SP3: variants seen among roughly 807,000 people sequenced by gnomAD.
The protein encoded by SP3 is Sp3 transcription factor, also known as transcription factor Sp3.
SP3 carries 10 observed loss-of-function variants against 70.3 expected under a neutral mutation model. The ratio of observed to expected loss-of-function variants is 0.14; its 90% CI spans 0.09 to 0.24. SP3 has a LOEUF of 0.24. Ranked by LOEUF, SP3 falls within the 10% of genes least tolerant of loss-of-function variation. The pLI, the probability that SP3 is intolerant of heterozygous loss-of-function variation, is 1.00. For synonymous variants in SP3, 402 were observed against 333.5 expected (o/e 1.21, Z -2.24); for missense variants, 825 against 914.6 (o/e 0.90, Z 1.26).
intron 3 of SP3, among the ~76,000 whole-genome samples, chr2:173,960,572 T>G (rs1353039772): frequency 6.6e-6 from 1 of 152,254 alleles, no homozygotes; most frequent in South Asian, 2.1e-4. Context: ...ATAACTTTTT[T>G]GAAGTAAGCT....
intron 4 of SP3, among the ~76,000 whole-genome samples, chr2:173,932,195 TTTTTTC>T (rs541167062): frequency 6.6e-6 from 1 of 152,156 alleles, no homozygotes; most frequent in Non-Finnish European, 1.5e-5. Context: ...ATTTGCCTAG[TTTTTTC>T]TTTTTCTTGA....
intron 6 of SP3, 80 bp downstream of exon 6, chr2:173,912,990 G>T: frequency 1.9e-6 from 2 of 1,041,410 alleles, no homozygotes; most frequent in Non-Finnish European, 2.7e-6. Context: ...GTTCAGTAAG[G>T]AATGCTAATA....
intron 2 of SP3, 82 bp from the exon 3 acceptor site, chr2:173,963,965 T>C: frequency 2.1e-6 from 2 of 975,310 alleles, no homozygotes. Flanking sequence ...GCACAGGAAG[T>C]ACGACTCGGT....
intron 3 of SP3, among the ~76,000 whole-genome samples, chr2:173,961,476 G>A (rs1308166444): frequency 3.3e-5 from 5 of 152,188 alleles, no homozygotes; most frequent in Admixed American, 6.5e-5. Context: ...TCCCAGAAGA[G>A]AAAATGGACA....
intron 4 of SP3, among the ~76,000 whole-genome samples, chr2:173,933,640 A>T (rs1308247815): frequency 9.1e-6 from 1 of 109,702 alleles, no homozygotes; most frequent in African/African-American, 4.8e-5. Flanking sequence ...ATAAAACTTT[A>T]TATATATATA....
At chr2:173,943,196 A>C (rs1191443987) in intron 4 of SP3, among the ~76,000 whole-genome samples, 1 of 152,190 alleles carries the variant, frequency 6.6e-6, no homozygotes, top group African/African-American at 2.4e-5. Flanking sequence ...AAAACCTGCC[A>C]ATGTTTTCCT....
intron 4 of SP3, among the ~76,000 whole-genome samples, chr2:173,947,781 T>C (rs144025234): frequency 1.3e-5 from 2 of 152,352 alleles, no homozygotes; most frequent in Non-Finnish European, 2.9e-5. Flanking sequence ...TCATCTTGAA[T>C]ACAATTTTTT....
intron 4 of SP3, among the ~76,000 whole-genome samples, chr2:173,921,140 T>G (rs1018136076): frequency 6.6e-6 from 1 of 152,186 alleles, no homozygotes; most frequent in South Asian, 2.1e-4. Flanking sequence ...TTATTATAAA[T>G]TAAATATTTT....
In SP3 at chr2:173,902,538, ATTGT is replaced by A. The variant is rs1689209220; in HGVS notation, c.*7399_*7402del. On this transcript the variant is annotated 3_prime_UTR_variant, in exon 7 of 7. Coordinates refer to ENST00000310015, the MANE Select transcript of SP3 (RefSeq NM_003111.5). ...AATATGTCAATTATTTCATTGCAGCATTGTTTATAAGTCAAAAATTGGAAATAAC... is the reference window on the plus strand; with the variant it reads ...AATATGTCAATTATTTCATTGCAGCATTATAAGTCAAAAATTGGAAATAAC... Among the ~76,000 whole-genome samples, 1 of 152,234 alleles carries A rather than the reference ATTGT, an allele frequency of 6.6e-6. No homozygotes were observed. The highest frequency in any genetic ancestry group is 2.1e-4 in the South Asian group (1 of 4,832).
intron 3 of SP3, 123 bp from the exon 4 acceptor site, chr2:173,956,355 G>A: frequency 1.0e-6 from 1 of 993,340 alleles, no homozygotes; most frequent in South Asian, 1.8e-5. Context: ...ACACAATGGA[G>A]TTCAAATACA....
intron 4 of SP3, among the ~76,000 whole-genome samples, chr2:173,934,787 T>C (rs1431475109): frequency 1.3e-5 from 2 of 152,232 alleles, no homozygotes; most frequent in Admixed American, 1.3e-4. Flanking sequence ...GTCAAAAGCT[T>C]TGCTTTTACA....
At chr2:173,962,985 G>A (rs536596479) in intron 3 of SP3, 1 of 152,276 alleles carries the variant, frequency 6.6e-6, no homozygotes, top group South Asian at 2.1e-4. Context: ...ACTAGCAGTC[G>A]TAATAAAATG....
Position 173,955,341 on chromosome 2 carries a change from C to T in SP3, c.1171G>A (p.Ala391Thr). 6.2e-7 allele frequency: 1 copy of T among 1,613,994 alleles called. No homozygotes were observed. The highest frequency in any genetic ancestry group is 2.2e-5 in the East Asian group (1 of 44,878). Reference sequence around the variant, plus strand: ...TGTAGATGCTGTACAACAGGCTGTGCTGTAGAAACCTGAATATTCTGTGCC... The same window carrying T: ...TGTAGATGCTGTACAACAGGCTGTGTTGTAGAAACCTGAATATTCTGTGCC... ...TQAQNIQVST[A>T]QPVVQHLQLQ... Residue 391 changes from alanine to threonine, a missense_variant, in exon 4 of 7, where the codon GCA becomes ACA. Transcript: ENST00000310015.
At chr2:173,964,726 G>A (rs529779109) in intron 1 of SP3, 173 bp from the exon 2 acceptor site, 1 of 337,364 alleles carries the variant, frequency 3.0e-6, no homozygotes, top group Admixed American at 6.2e-5. Context: ...CCCTCCTGCT[G>A]CTGCCCCCGC....
intron 4 of SP3, among the ~76,000 whole-genome samples, chr2:173,934,485 A>G (rs533794162): frequency 6.6e-6 from 1 of 152,294 alleles, no homozygotes; most frequent in East Asian, 1.9e-4. Context: ...GAAATAAATG[A>G]CATAATGTTA....
chr2:173,964,017 C>T (rs1691181582), intron 2 of SP3, 134 bp from the exon 3 acceptor site: 4 of 384,502 alleles, frequency 1.0e-5, no homozygotes, highest in East Asian at 4.5e-5. Context: ...CCGCGCTCTC[C>T]TCCTCCTCCT....
At chr2:173,925,495 C>T (rs1429371803) in intron 4 of SP3, among the ~76,000 whole-genome samples, 1 of 152,092 alleles carries the variant, frequency 6.6e-6, no homozygotes, top group East Asian at 1.9e-4. Flanking sequence ...ATGTGTTACA[C>T]AACAATGTGA....
intron 4 of SP3, among the ~76,000 whole-genome samples, chr2:173,934,772 T>C (rs1415527653): frequency 6.6e-6 from 1 of 152,172 alleles, no homozygotes; most frequent in Non-Finnish European, 1.5e-5. Flanking sequence ...GGTATTACCT[T>C]CAAGGTCAAA....
intron 2 of SP3, chr2:173,964,131 G>GA: frequency 2.8e-6 from 1 of 362,862 alleles, no homozygotes. Context: ...TGCGCGCCGG[G>GA]CCTCCGCCTT....
Sources: allele counts gnomAD v4.1 joint callset (sites outside exome capture counted in the v4.1 genomes callset), GRCh38; gene constraint gnomAD v4.1.1; transcripts MANE v1.5; gene names NCBI Gene and HGNC (gene_info 2026-07-23, HGNC 2026-07-21).